IQSEC2: variants seen among roughly 807,000 people sequenced by gnomAD.
IQSEC2 encodes IQ motif and SEC7 domain-containing protein 2.
A neutral mutation model predicts 74.6 loss-of-function variants in IQSEC2; 6 were observed. The ratio of observed to expected loss-of-function variants is 0.08; its 90% CI spans 0.04 to 0.16. The LOEUF is 0.16. IQSEC2 is among the 10% of genes least tolerant of loss of function. IQSEC2 has a pLI of 1.00. For synonymous variants in IQSEC2, 494 were observed against 544.5 expected (o/e 0.91, Z 1.29); for missense variants, 734 against 1,306.2 (o/e 0.56, Z 6.75).
intron 2 of IQSEC2, among the ~76,000 whole-genome samples, chrX:53,268,595 T>G (rs2057139247): frequency 9.0e-6 from 1 of 111,475 alleles, no homozygotes. Flanking sequence ...CCCCTAACAC[T>G]GCAGTCACCT....
At chrX:53,243,723 C>T (rs1486147315) in intron 8 of IQSEC2, among the ~76,000 whole-genome samples, 5 of 112,231 alleles carry the variant, frequency 4.5e-5, no homozygotes, top group Non-Finnish European at 9.4e-5. Context: ...CAATCAGATA[C>T]TATTGTTTGC....
rs192363060 is a variant in IQSEC2, at chrX:53,312,477, C to T, written c.707+7940G>A. ...GTGATGGCACAAGGCATGGCACATC[C>T]TGGCATGCAATGTTCACTGGACTGA... On this transcript the variant is annotated intron_variant, in intron 1 of 14. Coordinates refer to ENST00000642864, the MANE Select transcript of IQSEC2 (RefSeq NM_001111125.3). Among the ~76,000 whole-genome samples the T allele has an allele frequency of 2.6e-3, 291 of 112,403 alleles. 1 individual carries two copies. Among genetic ancestry groups the T allele is most frequent in the African/African-American group, 8.8e-3 (274 of 30,963 alleles).
intron 2 of IQSEC2, among the ~76,000 whole-genome samples, chrX:53,290,271 A>T (rs2075084148): frequency 8.9e-6 from 1 of 112,130 alleles, no homozygotes; most frequent in Non-Finnish European, 1.9e-5. Flanking sequence ...GATCAGACAA[A>T]AGAAAGTCCC....
intron 2 of IQSEC2, among the ~76,000 whole-genome samples, chrX:53,256,282 C>T (rs782629568): frequency 4.7e-5 from 5 of 107,507 alleles, no homozygotes; most frequent in East Asian, 3.1e-4. Context: ...CCTGCCTTTA[C>T]GGCAAGATCC....
intron 2 of IQSEC2, among the ~76,000 whole-genome samples, chrX:53,263,868 G>C (rs1410461829): frequency 8.9e-6 from 1 of 112,417 alleles, no homozygotes; most frequent in Non-Finnish European, 1.9e-5. Context: ...CCCCCGTCCT[G>C]TTTCCCAAGG....
chrX:53,247,795 T>C (rs189913672), intron 7 of IQSEC2, among the ~76,000 whole-genome samples: 76 of 112,145 alleles, frequency 6.8e-4, no homozygotes, highest in African/African-American at 2.4e-3. Flanking sequence ...GTGCCTACTT[T>C]ATGGGGTGGT....
chrX:53,254,255 A>T (rs2074431542), intron 4 of IQSEC2, among the ~76,000 whole-genome samples: 1 of 107,324 alleles, frequency 9.3e-6, no homozygotes, highest in South Asian at 4.2e-4. Flanking sequence ...ACTTGAACCC[A>T]GGAGGCAGAG....
At chrX:53,279,732 G>T in intron 2 of IQSEC2, 1 of 626,783 alleles carries the variant, frequency 1.6e-6, no homozygotes, top group Admixed American at 2.6e-5. Flanking sequence ...GGTGGGCGAT[G>T]GGGGCAAGAA....
rs782436555 is a variant in IQSEC2 at position 53,274,504 on chromosome X, C to G, written c.737+17391G>C. On this transcript the variant is annotated intron_variant, in intron 2 of 14. Coordinates refer to ENST00000642864, the MANE Select transcript of IQSEC2 (RefSeq NM_001111125.3). ...TGAGACGGAGTCTTGCTCTGTTGCC[C>G]AGGCTGGAGTGCAGTGGCGCAATCT... Among the ~76,000 whole-genome samples the G allele has an allele frequency of 6.6e-5, 6 of 90,445 alleles. 2 individuals carry two copies. The South Asian group carries it at 3.6e-3, about 54-fold the overall frequency. 78.5% of individuals were successfully genotyped at this position (90,445 alleles called of 115,157 possible). A position where few individuals can be genotyped will look rare whatever the true frequency, so the allele number is the denominator to read the frequency against.
At chrX:53,228,057 C>T (rs1221110645), downstream of IQSEC2, among the ~76,000 whole-genome samples, 1 of 111,475 alleles carries the variant, frequency 9.0e-6, no homozygotes, top group African/African-American at 3.3e-5. Flanking sequence ...TGCCAAGTAC[C>T]TCATCTTCCT....
At chrX:53,289,395 G>A (rs1556872540) in intron 2 of IQSEC2, among the ~76,000 whole-genome samples, 1 of 110,955 alleles carries the variant, frequency 9.0e-6, no homozygotes, top group South Asian at 3.8e-4. Flanking sequence ...CCCGCGTTCT[G>A]ACCTTACTGC....
At chrX:53,243,251 C>T in intron 9 of IQSEC2, 81 bp downstream of exon 9, 1 of 857,143 alleles carries the variant, frequency 1.2e-6, no homozygotes, top group Admixed American at 2.7e-5. Flanking sequence ...ACCTGGGGCT[C>T]AGGGAGGTGC....
At chrX:53,290,378 A>T (rs1180648083) in intron 2 of IQSEC2, among the ~76,000 whole-genome samples, 1 of 112,293 alleles carries the variant, frequency 8.9e-6, no homozygotes, top group Non-Finnish European at 1.9e-5. Flanking sequence ...GGTCCCAGGA[A>T]CTTCCTTGCT....
In IQSEC2 at chrX:53,321,327, G is replaced by GCCA. The variant is rs1257959820; in HGVS notation, c.-207_-205dup. 4 of 253,530 alleles carry GCCA rather than the reference G, an allele frequency of 1.6e-5. No individual in the cohort carries two copies. The highest frequency in any genetic ancestry group is 6.7e-5 in the East Asian group (1 of 14,955). 20.9% of individuals were successfully genotyped at this position (253,530 alleles called of 1,213,427 possible). ...GGGAGCAGGAGCTGAGGCTGCCGCC[G>GCCA]CCACCACCACCACCACAGCCACTGC... On this transcript the variant is annotated 5_prime_UTR_variant, in exon 1 of 15. Coordinates refer to ENST00000642864, the MANE Select transcript of IQSEC2 (RefSeq NM_001111125.3).
intron 2 of IQSEC2, among the ~76,000 whole-genome samples, chrX:53,257,207 G>A (rs1187964658): frequency 2.7e-5 from 3 of 111,798 alleles, no homozygotes; most frequent in Admixed American, 1.9e-4. Context: ...GCCCCTATTC[G>A]GCAGAGGCAA....
chrX:53,315,057 TCA>T (rs1169818344), intron 1 of IQSEC2, among the ~76,000 whole-genome samples: 1 of 111,598 alleles, frequency 9.0e-6, no homozygotes, highest in Non-Finnish European at 1.9e-5. Context: ...CTCGGGCAGG[TCA>T]CTGTACCTCT....
At chrX:53,271,797 A>G (rs2074748574) in intron 2 of IQSEC2, among the ~76,000 whole-genome samples, 1 of 111,588 alleles carries the variant, frequency 9.0e-6, no homozygotes, top group Non-Finnish European at 1.9e-5. Context: ...CCTATTTAGA[A>G]TCCATTCAAC....
At chrX:53,275,148 G>GAAC (rs1556869273) in intron 2 of IQSEC2, among the ~76,000 whole-genome samples, 58 of 110,719 alleles carry the variant, frequency 5.2e-4, no homozygotes, top group African/African-American at 1.8e-3. Flanking sequence ...TTTTTTTCTG[G>GAAC]TACTTTTATG....
intron 3 of IQSEC2, among the ~76,000 whole-genome samples, chrX:53,255,513 C>T (rs1307501939): frequency 4.5e-5 from 5 of 111,747 alleles, no homozygotes; most frequent in Non-Finnish European, 9.4e-5. Flanking sequence ...GTGTGTTCTT[C>T]CTGTTAGACT....
Sources: gnomAD v4.1 joint callset for allele counts (sites outside exome capture counted in the v4.1 genomes callset) on GRCh38, gnomAD v4.1.1 for gene constraint, MANE v1.5 for transcripts, NCBI Gene and HGNC (gene_info 2026-07-23, HGNC 2026-07-21) for gene names.